The following SKAP1 variants were observed in gnomAD, a reference collection of about 807,000 sequenced individuals.
SKAP1 encodes src kinase associated phosphoprotein 1, also known as src kinase-associated phosphoprotein 1.
In SKAP1, 44 loss-of-function variants were observed where a neutral mutation model predicts 58.5. The ratio of observed to expected loss-of-function variants is 0.75; its 90% CI spans 0.59 to 0.97. The LOEUF (loss-of-function observed/expected upper bound fraction) is 0.97, where lower values mean the gene tolerates loss of function less well. Among genes scored for constraint, SKAP1 ranks in the 50% least tolerant of loss-of-function variants. The pLI, the probability that SKAP1 is intolerant of heterozygous loss-of-function variation, is 0.00. For missense variants in SKAP1, 390 were observed against 435.2 expected (o/e 0.90, Z 0.92); for synonymous variants, 127 against 149.7 (o/e 0.85, Z 1.11).
intron 4 of SKAP1, among the ~76,000 whole-genome samples, chr17:48,222,798 G>A (rs1214538310): frequency 2.0e-5 from 3 of 151,268 alleles, no homozygotes; most frequent in Non-Finnish European, 4.4e-5. Flanking sequence ...GGGTGTGGTG[G>A]CTCACACCTG....
intron 4 of SKAP1, among the ~76,000 whole-genome samples, chr17:48,343,357 T>C (rs2066681754): frequency 6.6e-6 from 1 of 152,250 alleles, no homozygotes; most frequent in Non-Finnish European, 1.5e-5. Context: ...GAAATGTATG[T>C]ATCTTTAATT....
intron 6 of SKAP1, 90 bp downstream of exon 6, chr17:48,187,753 G>C: frequency 1.2e-6 from 1 of 842,016 alleles, no homozygotes; most frequent in African/African-American, 1.7e-5. Context: ...GTTAGTTAAG[G>C]ACTGCTATCT....
intron 4 of SKAP1, among the ~76,000 whole-genome samples, chr17:48,192,515 T>A (rs182126149): frequency 5.8e-4 from 88 of 152,190 alleles, no homozygotes; most frequent in Middle Eastern, 3.4e-3. Context: ...GAATATTACA[T>A]TAATGTGCCC....
At chr17:48,389,310 T>G (rs1443704491) in intron 2 of SKAP1, among the ~76,000 whole-genome samples, 1 of 152,216 alleles carries the variant, frequency 6.6e-6, no homozygotes, top group Non-Finnish European at 1.5e-5. Context: ...TACACTATTT[T>G]TTTTTTCTTT....
intron 4 of SKAP1, among the ~76,000 whole-genome samples, chr17:48,292,132 C>CAAAA (rs67360130): frequency 2.1e-4 from 26 of 121,562 alleles, no homozygotes; most frequent in African/African-American, 5.3e-4. Flanking sequence ...TTAGCCTATT[C>CAAAA]AAAAAAAAAA....
the SKAP1 span, among the ~76,000 whole-genome samples, chr17:48,441,885 G>C: frequency 6.6e-6 from 1 of 152,136 alleles, no homozygotes; most frequent in Non-Finnish European, 1.5e-5. Flanking sequence ...GTTCCTTCTA[G>C]GTCTAACATG....
At chr17:48,209,117 AG>A (rs2143661676) in intron 4 of SKAP1, among the ~76,000 whole-genome samples, 1 of 152,318 alleles carries the variant, frequency 6.6e-6, no homozygotes, top group African/African-American at 2.4e-5. Flanking sequence ...CTAGTTAGTA[AG>A]TGGACAAGGC....
At chr17:48,236,904 G>T (rs1180333007) in intron 4 of SKAP1, among the ~76,000 whole-genome samples, 1 of 152,188 alleles carries the variant, frequency 6.6e-6, no homozygotes, top group African/African-American at 2.4e-5. Flanking sequence ...CTTACTATGT[G>T]CCAGGCACTG....
intron 4 of SKAP1, among the ~76,000 whole-genome samples, chr17:48,253,236 T>G (rs912012324): frequency 2.0e-5 from 3 of 152,234 alleles, no homozygotes; most frequent in African/African-American, 7.2e-5. Context: ...GAGTCCCCTC[T>G]AAGATTCCAG....
In SKAP1 at chr17:48,389,166, G is replaced by A. The variant is rs117561854; in HGVS notation, c.152+7514C>T. On this transcript the variant is annotated intron_variant, in intron 2 of 12. Coordinates refer to ENST00000336915, the MANE Select transcript of SKAP1 (RefSeq NM_003726.4). ...GTGGGGATTTTGTAACAACAACAAGGCACCAGCATCAAATTGGAATTTTCT... is the reference window on the plus strand; with the variant it reads ...GTGGGGATTTTGTAACAACAACAAGACACCAGCATCAAATTGGAATTTTCT... Among the ~76,000 whole-genome samples the A allele has an allele frequency of 7.9e-3, 1,208 of 152,338 alleles. 9 individuals are homozygous for A. Among genetic ancestry groups the A allele is most frequent in the Non-Finnish European group, 0.013 (900 of 68,026 alleles).
intron 4 of SKAP1, among the ~76,000 whole-genome samples, chr17:48,191,658 G>A (rs909924801): frequency 1.4e-4 from 21 of 152,106 alleles, no homozygotes; most frequent in Admixed American, 9.2e-4. Flanking sequence ...GCTGTTTCAA[G>A]CTTAGTTATA....
In SKAP1 at chr17:48,168,414, T is replaced by C. The variant is rs574774719; in HGVS notation, c.877+2195A>G. Among the ~76,000 whole-genome samples, 21 of 152,200 alleles carry C rather than the reference T, an allele frequency of 1.4e-4. No individual in the cohort carries two copies. The South Asian group carries it at 4.4e-3, about 32-fold the overall frequency. ...GCTCATGCCTGTAATCCCAGCACTT[T>C]GGGAGGCCAAGACGGTCGGATCCCC... is the stretch of plus-strand genomic sequence containing the variant. On this transcript the variant is annotated intron_variant, in intron 10 of 12. Transcript: ENST00000336915.
intron 4 of SKAP1, among the ~76,000 whole-genome samples, chr17:48,266,513 C>CTTT (rs67981214): frequency 1.4e-5 from 2 of 138,548 alleles, no homozygotes; most frequent in African/African-American, 2.7e-5. Flanking sequence ...TTCTTACTTT[C>CTTT]TTTTTTTTTT....
At chr17:48,194,072 AATTAC>A (rs1411884735) in intron 4 of SKAP1, among the ~76,000 whole-genome samples, 1 of 152,164 alleles carries the variant, frequency 6.6e-6, no homozygotes, top group Non-Finnish European at 1.5e-5. Flanking sequence ...CACAAAACAG[AATTAC>A]ATTAGTGTCA....
chr17:48,308,479 T>A (rs1034778544), intron 4 of SKAP1: 3 of 152,214 alleles, frequency 2.0e-5, no homozygotes, highest in Non-Finnish European at 2.9e-5. Flanking sequence ...CATGCCATCA[T>A]TGAAGAACAG....
At chr17:48,249,083 A>T (rs570902353) in intron 4 of SKAP1, 1 of 152,284 alleles carries the variant, frequency 6.6e-6, no homozygotes, top group East Asian at 1.9e-4. Context: ...TAATATAAAC[A>T]CTTTGAGATC....
At chr17:48,347,178 A>G (rs1188339301) in intron 3 of SKAP1, among the ~76,000 whole-genome samples, 1 of 152,232 alleles carries the variant, frequency 6.6e-6, no homozygotes. Context: ...ATAGAGGTAC[A>G]GTCTGCTAAT....
intron 3 of SKAP1, among the ~76,000 whole-genome samples, chr17:48,348,082 A>G (rs954937744): frequency 6.6e-6 from 1 of 152,106 alleles, no homozygotes; most frequent in Non-Finnish European, 1.5e-5. Flanking sequence ...GCTCACACCT[A>G]TAATCCCAGC....
Position 48,223,754 on chromosome 17 carries a change from G to C in SKAP1, c.281-34254C>G, listed in dbSNP as rs932684426. Among the ~76,000 whole-genome samples the C allele has an allele frequency of 3.3e-5, 5 of 152,206 alleles. No individual in the cohort carries two copies. The South Asian group carries it at 8.3e-4, about 25-fold the overall frequency. ...GTGACCGATGGTTAACAGTTTGCTT[G>C]GGGTTATTCACTCAGAACTTTACTG... On this transcript the variant is annotated intron_variant, in intron 4 of 12. Transcript: ENST00000336915.
Sources: allele counts gnomAD v4.1 joint callset (sites outside exome capture counted in the v4.1 genomes callset), GRCh38; gene constraint gnomAD v4.1.1; transcripts MANE v1.5; gene names NCBI Gene and HGNC (gene_info 2026-07-23, HGNC 2026-07-21).